The following SPEG variants were observed in gnomAD, a reference collection of about 807,000 sequenced individuals.
The protein encoded by SPEG is striated muscle enriched protein kinase.
SPEG carries 114 observed loss-of-function variants against 300.4 expected under a neutral mutation model. The observed-to-expected ratio is 0.38, with a 90% CI of 0.33 to 0.44. The LOEUF (loss-of-function observed/expected upper bound fraction) is 0.44, where lower values mean the gene tolerates loss of function less well. Among genes scored for constraint, SPEG ranks in the 20% least tolerant of loss-of-function variants. The probability of loss-of-function intolerance (pLI) is 1.00; values close to 1 mark genes in which losing one functional copy is unlikely to be tolerated. For synonymous variants in SPEG, 1,964 were observed against 2,018.9 expected, an observed-to-expected ratio of 0.97 and a Z score of 0.73; for missense variants, 4,201 against 4,586.2, an observed-to-expected ratio of 0.92 and a Z score of 2.43.
rs1351303252 is a variant in SPEG at position 219,468,916 on chromosome 2, C to T, written c.3359C>T (p.Ser1120Leu). The T allele has an allele frequency of 2.5e-6, 4 of 1,613,878 alleles. No individual in the cohort carries two copies. The highest frequency in any genetic ancestry group is 3.4e-6 in the Non-Finnish European group (4 of 1,179,990). Residue 1120 changes from serine (S) to leucine (L), a missense_variant, in exon 12 of 41, where the codon TCA becomes TTA. Coordinates refer to ENST00000312358, the MANE Select transcript of SPEG (RefSeq NM_005876.5). ...CTGCGGCAGGACGGGGGTCTGCACT[C>T]ACTGCACATTGCCCATGTGGGCAGC... ...LRLRQDGGLH[S>L]LHIAHVGSED...
In SPEG at chr2:219,477,118, C is replaced by A; in HGVS notation, c.4560+136C>A. 1.0e-6 allele frequency: 1 copy of A among 996,294 alleles called. No homozygotes were observed. Among genetic ancestry groups the A allele is most frequent in the Non-Finnish European group, 1.5e-6 (1 of 686,626 alleles). The allele number at this position is 996,294 out of a possible 1,614,324, so 61.7% of individuals were successfully genotyped here. On this transcript the variant is annotated intron_variant, in intron 19 of 40. Coordinates refer to ENST00000312358, the MANE Select transcript of SPEG (RefSeq NM_005876.5). This position sits in a 1 kb window ranked among gnomAD's most constrained non-coding sequence, Gnocchi z 6.4. ...GGAGGAGGAAAGGGGCTGCAGAGGACTGACTAGCTGAGGGGTGCAGGGCTT... is the reference window on the plus strand; with the variant it reads ...GGAGGAGGAAAGGGGCTGCAGAGGAATGACTAGCTGAGGGGTGCAGGGCTT...
In SPEG at chr2:219,484,501, G is replaced by T. The variant is rs1024585282; in HGVS notation, c.7038G>T (p.Ser2346=). 1.9e-6 allele frequency: 3 copies of T among 1,605,646 alleles called. No homozygotes were observed. The highest frequency in any genetic ancestry group is 2.2e-5 in the East Asian group (1 of 44,700). Residue 2346 remains serine, a synonymous_variant, in exon 30 of 41, where the codon TCG becomes TCT. Coordinates refer to ENST00000312358, the MANE Select transcript of SPEG (RefSeq NM_005876.5). ...KFKRSRESPL[S]LGLRLLSRSR... Reference sequence around the variant, plus strand: ...AGCGCAGCCGCGAGTCGCCCCTGTCGCTGGGGCTGCGGCTGCTGAGCCGTT... The same window carrying T: ...AGCGCAGCCGCGAGTCGCCCCTGTCTCTGGGGCTGCGGCTGCTGAGCCGTT...
At position 219,477,295 on chromosome 2, in the gene SPEG, G is replaced by C; in HGVS notation, c.4579G>C (p.Glu1527Gln). The change falls in exon 20 of 41, where the codon GAG (glutamate) becomes CAG (glutamine). Residue 1527 changes from glutamate to glutamine, a missense_variant. Glu to Gln is a conservative substitution (Grantham distance 29). Coordinates refer to ENST00000312358, the MANE Select transcript of SPEG (RefSeq NM_005876.5). This position sits in a 1 kb window ranked among gnomAD's most constrained non-coding sequence, Gnocchi z 6.4. ...MWYKDEVLLT[E>Q]SSHVSFVYEE... ...TCTGCAGGACGAGGTGCTGCTGACCGAGAGCAGCCATGTGAGCTTCGTGTA... is the reference window on the plus strand; with the variant it reads ...TCTGCAGGACGAGGTGCTGCTGACCCAGAGCAGCCATGTGAGCTTCGTGTA... 1.2e-6 allele frequency: 2 copies of C among 1,612,282 alleles called. No individual in the cohort carries two copies. The highest frequency in any genetic ancestry group is 1.7e-6 in the Non-Finnish European group (2 of 1,179,636).
In SPEG at chr2:219,448,282, C is replaced by A. The variant is rs878948405; in HGVS notation, c.1124C>A (p.Thr375Lys). The A allele has an allele frequency of 6.2e-7, 1 of 1,610,826 alleles. No homozygotes were observed. The highest frequency in any genetic ancestry group is 8.5e-7 in the Non-Finnish European group (1 of 1,179,200). ...GGCACCGCGGAATCCCGACCCCAGA[C>A]GCCACTGAGCGAGGCCTCAGGCCGC... is the stretch of plus-strand genomic sequence containing the variant. Reference protein sequence around the residue: ...LAGTAESRPQTPLSEASGRLS... With the variant: ...LAGTAESRPQKPLSEASGRLS... Residue 375 changes from threonine (T) to lysine (K), a missense_variant, in exon 4 of 41, where the codon ACG becomes AAG. By Grantham distance (78) the Thr-to-Lys change is moderately conservative. Around this residue, in one of 4 missense-constraint regions of SPEG, gnomAD observed 1,258 missense variants for 1,293.9 expected, o/e 0.97. Coordinates refer to ENST00000312358, the MANE Select transcript of SPEG (RefSeq NM_005876.5).
At chr2:219,437,415 G>C (rs1166519854) in intron 1 of SPEG, 1 of 152,310 alleles carries the variant, frequency 6.6e-6, no homozygotes, top group African/African-American at 2.4e-5. Flanking sequence ...GAGCCTGGCT[G>C]GGCGTACCTA....
Position 219,485,437 on chromosome 2 carries a change from C to T in SPEG, c.7701C>T (p.Val2567=), listed in dbSNP as rs888394550. ...GLSPPNLSAS[V]QEELGHQYVR... is the part of the protein sequence containing the mutation. Reference sequence around the variant, plus strand: ...CGCCACCAAACCTCTCTGCCAGCGTCCAGGAGGAGTTGGGTCACCAGTACG... The same window carrying T: ...CGCCACCAAACCTCTCTGCCAGCGTTCAGGAGGAGTTGGGTCACCAGTACG... The change falls in exon 31 of 41, where the codon GTC becomes GTT. Residue 2567 remains valine, a synonymous_variant. Coordinates refer to ENST00000312358, the MANE Select transcript of SPEG (RefSeq NM_005876.5). 6.2e-7 allele frequency: 1 copy of T among 1,602,906 alleles called. No individual in the cohort carries two copies. Among genetic ancestry groups the T allele is most frequent in the Non-Finnish European group, 8.5e-7 (1 of 1,174,170 alleles).
Position 219,435,139 on chromosome 2 carries a change from G to A in SPEG, c.162G>A (p.Val54=). 6.9e-7 allele frequency: 1 copy of A among 1,458,942 alleles called. No homozygotes were observed. Among genetic ancestry groups the A allele is most frequent in the Non-Finnish European group, 9.0e-7 (1 of 1,116,270 alleles). 90.4% of individuals were successfully genotyped at this position (1,458,942 alleles called of 1,614,324 possible). The stretch of plus-strand genomic sequence containing the variant: ...TGCGGCCCCTGAAGAACGCGGCGGT[G>A]TGCGCGGGCAGCGACGTGCGGCTGC... ...VFLRPLKNAA[V]CAGSDVRLRV... The change falls in exon 1 of 41, where the codon GTG becomes GTA. Residue 54 remains valine, a synonymous_variant. Transcript: ENST00000312358.
At position 219,464,322 on chromosome 2, in the gene SPEG, C is replaced by T; in HGVS notation, c.2706-111C>T. 2 of 1,210,700 alleles carry T rather than the reference C, an allele frequency of 1.7e-6. No homozygotes were observed. The highest frequency in any genetic ancestry group is 2.3e-6 in the Non-Finnish European group (2 of 870,748). 75.0% of individuals were successfully genotyped at this position (1,210,700 alleles called of 1,614,324 possible). On this transcript the variant is annotated intron_variant, in intron 8 of 40. Transcript: ENST00000312358. The surrounding 1 kb of genome is among the most constrained non-coding windows in gnomAD (Gnocchi z 4.5). Reference sequence around the variant, plus strand: ...ACGGTCAGTGGGACAGATCTGGGGACTGGGCAAACTGCACAGGGAAGGAGA... The same window carrying T: ...ACGGTCAGTGGGACAGATCTGGGGATTGGGCAAACTGCACAGGGAAGGAGA...
chr2:219,479,070 T>A lies in SPEG; in HGVS notation c.5028-74T>A. 7.3e-7 allele frequency: 1 copy of A among 1,374,636 alleles called. No individual in the cohort carries two copies. Among genetic ancestry groups the A allele is most frequent in the Non-Finnish European group, 1.0e-6 (1 of 969,542 alleles). The allele number at this position is 1,374,636 out of a possible 1,614,324, so 85.2% of individuals were successfully genotyped here. On this transcript the variant is annotated intron_variant, in intron 22 of 40. Transcript: ENST00000312358. This position sits in a 1 kb window ranked among gnomAD's most constrained non-coding sequence, Gnocchi z 5.5. ...GGGGAAGGAGAACCCCGTGCTGAGC[T>A]GGGACCTGCCCTGAGCGCTGGGCTG...
intron 36 of SPEG, among the ~76,000 whole-genome samples, 163 bp downstream of exon 36, chr2:219,490,102 G>A (rs746807422): frequency 6.6e-6 from 1 of 152,240 alleles, no homozygotes; most frequent in African/African-American, 2.4e-5. Context: ...ACACTGCACT[G>A]CGTGCTTTAG....
intron 28 of SPEG, 22 bp from the exon 29 acceptor site, chr2:219,482,762 G>A: frequency 6.2e-7 from 1 of 1,612,038 alleles, no homozygotes; most frequent in African/African-American, 1.3e-5. Flanking sequence ...TTTCCCTCAA[G>A]CCCTCTTTCC....
intron 8 of SPEG, among the ~76,000 whole-genome samples, chr2:219,463,045 A>G (rs1690877776): frequency 6.6e-6 from 1 of 152,200 alleles, no homozygotes; most frequent in African/African-American, 2.4e-5. Context: ...CTGTCTCTAC[A>G]AAAACTTTTT....
rs1018107688 is a variant in SPEG, at chr2:219,464,871, C to A, written c.2881+263C>A. 2 of 457,508 alleles carry A rather than the reference C, an allele frequency of 4.4e-6. No homozygotes were observed. The highest frequency in any genetic ancestry group is 3.9e-6 in the Non-Finnish European group (1 of 254,320). The allele number at this position is 457,508 out of a possible 1,614,324, so 28.3% of individuals were successfully genotyped here. A position where few individuals can be genotyped will look rare whatever the true frequency, so the allele number is the denominator to read the frequency against. On this transcript the variant is annotated intron_variant, in intron 9 of 40. Coordinates refer to ENST00000312358, the MANE Select transcript of SPEG (RefSeq NM_005876.5). This position sits in a 1 kb window ranked among gnomAD's most constrained non-coding sequence, Gnocchi z 4.5. ...CTGTTGCTCCATCACGGAGCCCTGGCGGCAGCCAGAGACCCTGCACCTGCC... is the reference window on the plus strand; with the variant it reads ...CTGTTGCTCCATCACGGAGCCCTGGAGGCAGCCAGAGACCCTGCACCTGCC...
chr2:219,461,363 G>A, intron 6 of SPEG: 1 of 990,770 alleles, frequency 1.0e-6, no homozygotes, highest in Non-Finnish European at 1.2e-6. Flanking sequence ...AGGCTAGATA[G>A]TGCCGCCTCA....
rs1269383059 is a variant in SPEG, at chr2:219,435,209, C to T, written c.232C>T (p.Arg78Trp). The T allele has an allele frequency of 8.1e-6, 12 of 1,482,670 alleles. No homozygotes were observed. The highest frequency in any genetic ancestry group is 1.5e-5 in the African/African-American group (1 of 67,934). 91.8% of individuals were successfully genotyped at this position (1,482,670 alleles called of 1,614,324 possible). The change falls in exon 1 of 41, where the codon CGG becomes TGG. Residue 78 changes from arginine to tryptophan, a missense_variant. Coordinates refer to ENST00000312358, the MANE Select transcript of SPEG (RefSeq NM_005876.5). Reference protein sequence around the residue: ...GTPQPSLRWFRDGQLLPAPAP... With the variant: ...GTPQPSLRWFWDGQLLPAPAP... ...GCCCCAGCCCAGCCTCCGCTGGTTCCGGGATGGGCAGCTCCTGCCCGCGCC... is the reference window on the plus strand; with the variant it reads ...GCCCCAGCCCAGCCTCCGCTGGTTCTGGGATGGGCAGCTCCTGCCCGCGCC...
chr2:219,444,184 G>A lies in SPEG; in HGVS notation c.389-469G>A. ...GCTGGTTTGGGGTAGAGGACAGGCT[G>A]GCCCCGCGGTTGGTCGAGTGCCCTG... On this transcript the variant is annotated intron_variant, in intron 1 of 40. Coordinates refer to ENST00000312358, the MANE Select transcript of SPEG (RefSeq NM_005876.5). This position sits in a 1 kb window ranked among gnomAD's most constrained non-coding sequence, Gnocchi z 7.8. 5.9e-6 allele frequency: 4 copies of A among 673,306 alleles called. No individual in the cohort carries two copies. Among genetic ancestry groups the A allele is most frequent in the Non-Finnish European group, 9.6e-6 (4 of 415,330 alleles). 41.7% of individuals were successfully genotyped at this position (673,306 alleles called of 1,614,324 possible).
chr2:219,463,466 T>G (rs1370395335), intron 8 of SPEG, among the ~76,000 whole-genome samples: 1 of 124,376 alleles, frequency 8.0e-6, no homozygotes, highest in Admixed American at 1.0e-4. Context: ...CAGGCTGGAG[T>G]GCAGTGGTGC....
intron 6 of SPEG, among the ~76,000 whole-genome samples, chr2:219,455,684 A>G (rs1363381749): frequency 3.3e-5 from 5 of 152,088 alleles, no homozygotes; most frequent in Non-Finnish European, 7.4e-5. Flanking sequence ...AACTGAGCTC[A>G]TGAGCTCACT....
intron 1 of SPEG, among the ~76,000 whole-genome samples, chr2:219,442,305 CG>C (rs1688981303): frequency 6.6e-6 from 1 of 152,032 alleles, no homozygotes; most frequent in Admixed American, 6.5e-5. Context: ...GCAGATCCCC[CG>C]CTCCCCGATC....
Sources: gnomAD v4.1 joint callset for allele counts (sites outside exome capture counted in the v4.1 genomes callset) on GRCh38, gnomAD v4.1.1 for gene constraint, gnomAD v4.1.1 regional missense constraint, Gnocchi (gnomAD v3.1) non-coding constraint, MANE v1.5 for transcripts, NCBI Gene and HGNC (gene_info 2026-07-23, HGNC 2026-07-21) for gene names.